Variants in MYH15 observed in about 807,000 individuals in gnomAD.
The protein encoded by MYH15 is myosin heavy chain 15.
A neutral mutation model predicts 240.5 loss-of-function variants in MYH15; 227 were observed. That is an observed-to-expected ratio of 0.94 (90% CI 0.85 to 1.05). MYH15 has a LOEUF of 1.05. Among genes scored for constraint, MYH15 ranks in the 50% least tolerant of loss-of-function variants. The pLI is 0.00. For missense variants in MYH15, 2,217 were observed against 2,247.5 expected, an observed-to-expected ratio of 0.99 and a Z score of 0.27; for synonymous variants, 785 against 796.7, an observed-to-expected ratio of 0.99 and a Z score of 0.25.
intron 35 of MYH15, among the ~76,000 whole-genome samples, chr3:108,397,459 G>C (rs2082470489): frequency 6.6e-6 from 1 of 152,112 alleles, no homozygotes; most frequent in African/African-American, 2.4e-5. Flanking sequence ...TTTCTGTAGG[G>C]GTGTGCTTGC....
intron 35 of MYH15, among the ~76,000 whole-genome samples, chr3:108,396,282 C>T (rs896005805): frequency 6.6e-6 from 1 of 152,192 alleles, no homozygotes; most frequent in Non-Finnish European, 1.5e-5. Flanking sequence ...TACTATAGAC[C>T]AGCGGTCCCC....
intron 18 of MYH15, among the ~76,000 whole-genome samples, chr3:108,458,353 C>T (rs1335428132): frequency 1.3e-5 from 2 of 152,120 alleles, no homozygotes; most frequent in African/African-American, 4.8e-5. Context: ...TGATAGGAAA[C>T]AATGAGGCAC....
chr3:108,396,919 C>T lies in MYH15; in HGVS notation c.5133+1718G>A, dbSNP rs150514345. Among the ~76,000 whole-genome samples the T allele has an allele frequency of 1.3e-4, 20 of 152,262 alleles. No individual in the cohort carries two copies. In the East Asian group the frequency reaches 3.7e-3, roughly 28 times the overall value. On this transcript the variant is annotated intron_variant, in intron 35 of 40. Coordinates refer to ENST00000693548, the MANE Select transcript of MYH15 (RefSeq NM_014981.3). ...GGGAACATTGGCATTCTGGAAGGGG[C>T]AGTTCCTTGGGATTATCCTTCACCT...
intron 22 of MYH15, among the ~76,000 whole-genome samples, chr3:108,443,409 G>C (rs200182367): frequency 1.6e-5 from 2 of 127,980 alleles, no homozygotes; most frequent in African/African-American, 5.8e-5. Context: ...TAAATTTTCT[G>C]TTTTTAGTAG....
intron 31 of MYH15, among the ~76,000 whole-genome samples, chr3:108,408,962 T>C (rs764657463): frequency 4.6e-5 from 7 of 152,242 alleles, no homozygotes; most frequent in Admixed American, 1.3e-4. Flanking sequence ...CTCATGAACA[T>C]AAGCCTTTGA....
the MYH15 span, among the ~76,000 whole-genome samples, chr3:108,541,867 A>G: frequency 6.6e-6 from 1 of 152,128 alleles, no homozygotes; most frequent in African/African-American, 2.4e-5. Flanking sequence ...TAAATATCAC[A>G]TAGTGAAAAA....
At position 108,503,165 on chromosome 3, in the gene MYH15, A is replaced by C. The variant is rs565762956; in HGVS notation, c.196-1310T>G. On this transcript the variant is annotated intron_variant, in intron 2 of 40. Coordinates refer to ENST00000693548, the MANE Select transcript of MYH15 (RefSeq NM_014981.3). ...TACATCAAAGAAGGACAAGCAGGACAAAATAAACCACCTTCAGACTCTTCT... is the reference window on the plus strand; with the variant it reads ...TACATCAAAGAAGGACAAGCAGGACCAAATAAACCACCTTCAGACTCTTCT... Among the ~76,000 whole-genome samples, 16 of 152,262 alleles carry C rather than the reference A, an allele frequency of 1.1e-4. No individual in the cohort carries two copies. In the South Asian group the frequency reaches 2.9e-3, roughly 28 times the overall value.
chr3:108,427,604 CA>C (rs2082734597), intron 27 of MYH15, among the ~76,000 whole-genome samples: 2 of 99,216 alleles, frequency 2.0e-5, no homozygotes, highest in African/African-American at 7.8e-5. Flanking sequence ...CTAAGACACA[CA>C]CACACACACA....
At chr3:108,539,523 C>T in the MYH15 span, among the ~76,000 whole-genome samples, 3 of 152,114 alleles carry the variant, frequency 2.0e-5, no homozygotes, top group East Asian at 5.8e-4. Context: ...AGATCTAATA[C>T]CTGGTTATTT....
chr3:108,408,440 T>A (rs1360802934), intron 31 of MYH15, 36 bp from the exon 32 acceptor site: 1 of 1,585,182 alleles, frequency 6.3e-7, no homozygotes, highest in South Asian at 1.2e-5. Context: ...AGTTAGTGAA[T>A]GGGCTCAGTC....
At chr3:108,429,479 C>T (rs755904709) in intron 26 of MYH15, among the ~76,000 whole-genome samples, 4 of 151,718 alleles carry the variant, frequency 2.6e-5, no homozygotes, top group African/African-American at 4.8e-5. Flanking sequence ...ACTACTAAAG[C>T]GAGTAGAGAT....
intron 32 of MYH15, among the ~76,000 whole-genome samples, chr3:108,408,004 G>T (rs2082558994): frequency 6.6e-6 from 1 of 152,198 alleles, no homozygotes; most frequent in Non-Finnish European, 1.5e-5. Flanking sequence ...GGATAAACTG[G>T]TGAACAAGAT....
intron 24 of MYH15, 69 bp downstream of exon 24, chr3:108,439,668 T>C: frequency 2.4e-6 from 3 of 1,260,736 alleles, no homozygotes; most frequent in Non-Finnish European, 2.1e-6. Flanking sequence ...GATAAATTAA[T>C]GAAGTAAAAA....
the MYH15 span, among the ~76,000 whole-genome samples, chr3:108,543,015 G>C: frequency 6.6e-6 from 1 of 151,838 alleles, no homozygotes. Context: ...TGAGTAGCTG[G>C]GACTACAGGC....
intron 25 of MYH15, among the ~76,000 whole-genome samples, chr3:108,434,734 C>G (rs2082816923): frequency 6.6e-6 from 1 of 151,922 alleles, no homozygotes; most frequent in African/African-American, 2.4e-5. Context: ...ATAATCATGC[C>G]CCTTGTATAC....
At position 108,456,676 on chromosome 3, in the gene MYH15, C is replaced by T. The variant is rs113017305; in HGVS notation, c.2138+90G>A. 3,456 of 924,560 alleles carry T rather than the reference C, an allele frequency of 3.7e-3. 13 individuals are homozygous for T. The highest frequency in any genetic ancestry group is 5.2e-3 in the Non-Finnish European group (3,007 of 575,106). The allele number at this position is 924,560 out of a possible 1,614,324, so 57.3% of individuals were successfully genotyped here. On this transcript the variant is annotated intron_variant, in intron 19 of 40. Coordinates refer to ENST00000693548, the MANE Select transcript of MYH15 (RefSeq NM_014981.3). ...GATTTGTAGTCTGGAGGACATCAAC[C>T]AAACAAACAATGCATGCCTAAACAC...
intron 22 of MYH15, 50 bp downstream of exon 22, chr3:108,444,590 G>T (rs895437719): frequency 4.4e-6 from 7 of 1,593,752 alleles, no homozygotes; most frequent in Non-Finnish European, 5.1e-6. Flanking sequence ...GCTTAACAAG[G>T]GAGTCTAATT....
chr3:108,521,665 T>C (rs1163766119), intron 1 of MYH15, among the ~76,000 whole-genome samples: 1 of 152,184 alleles, frequency 6.6e-6, no homozygotes, highest in Non-Finnish European at 1.5e-5. Context: ...GGCAGTCTAA[T>C]TGAGATGATC....
At position 108,510,568 on chromosome 3, in the gene MYH15, G is replaced by A. The variant is rs200229973; in HGVS notation, c.-38C>T. 9.4e-5 allele frequency: 151 copies of A among 1,608,154 alleles called. No homozygotes were observed. The highest frequency in any genetic ancestry group is 1.2e-4 in the Non-Finnish European group (141 of 1,178,180). On this transcript the variant is annotated 5_prime_UTR_variant, in exon 1 of 41. It adds an upstream start codon to the 5' untranslated region. Transcript: ENST00000693548. ...AATCCACCAAAAAAAGGCCCTAAAC[G>A]TGAGTAGGCAAGATTCAACCTGAAA...
Sources: allele counts gnomAD v4.1 joint callset (sites outside exome capture counted in the v4.1 genomes callset), GRCh38; gene constraint gnomAD v4.1.1; transcripts MANE v1.5; gene names NCBI Gene and HGNC (gene_info 2026-07-23, HGNC 2026-07-21).